Variants in FUT2 observed in about 807,000 individuals in gnomAD.
The protein encoded by FUT2 is fucosyltransferase 2 (H blood group).
For synonymous variants in FUT2, 182 were observed against 193.1 expected, an observed-to-expected ratio of 0.94 and a Z score of 0.48; for missense variants, 419 against 465.8, an observed-to-expected ratio of 0.90 and a Z score of 0.93.
intron 1 of FUT2, 120 bp from the exon 2 acceptor site, chr19:48,702,835 A>G (rs146662228): frequency 3.2e-6 from 3 of 932,180 alleles, no homozygotes; most frequent in East Asian, 4.8e-5. Flanking sequence ...GTATTTACAC[A>G]CCTGAAGTAG....
At position 48,703,597 on chromosome 19, in the gene FUT2, AG is replaced by A; in HGVS notation, c.646del (p.Val216TrpfsTer71). 1 of 1,612,820 alleles carries A rather than the reference AG, an allele frequency of 6.2e-7. No homozygotes were observed. Among genetic ancestry groups the A allele is most frequent in the Non-Finnish European group, 8.5e-7 (1 of 1,179,810 alleles). Reference protein sequence around the residue: ...DYVHVMPKVWKGVVADRRYLQ... With the variant: ...DYVHVMPKVWXGVVADRRYLQ... Reference sequence around the variant, plus strand: ...GTCCATGTCATGCCAAAAGTGTGGAAGGGGGTGGTGGCCGACCGGCGATACC... The same window carrying A: ...GTCCATGTCATGCCAAAAGTGTGGAAGGGGTGGTGGCCGACCGGCGATACC... On this transcript the variant is annotated frameshift_variant, in exon 2 of 2. Transcript: ENST00000425340. LOFTEE classifies it low-confidence loss of function (END_TRUNC).
chr19:48,705,106 C>CTTTTTTTTTTTTTTTTTTTTT lies in FUT2; in HGVS notation c.*1122_*1123insTTTTTTTTTTTTTTTTTTTTT, dbSNP rs750075953. 2.1e-4 allele frequency: 39 copies of CTTTTTTTTTTTTTTTTTTTTT among 188,976 alleles called. 5 individuals carry two copies. Among genetic ancestry groups the CTTTTTTTTTTTTTTTTTTTTT allele is most frequent in the African/African-American group, 1.2e-3 (35 of 29,924 alleles). The allele number at this position is 188,976 out of a possible 1,614,324, so 11.7% of individuals were successfully genotyped here. On this transcript the variant is annotated 3_prime_UTR_variant, in exon 2 of 2. Coordinates refer to ENST00000425340, the MANE Select transcript of FUT2 (RefSeq NM_000511.6). ...GAGCTCACTGTTTTCTTTTCTTTTT[C>CTTTTTTTTTTTTTTTTTTTTT]TTTTCTTTTTTTTTTTTTTTTTGAG...
At position 48,704,986 on chromosome 19, in the gene FUT2, G is replaced by A. The variant is rs1047902951; in HGVS notation, c.*998G>A. The A allele has an allele frequency of 4.9e-5, 20 of 411,062 alleles. No homozygotes were observed. The highest frequency in any genetic ancestry group is 7.5e-5 in the Non-Finnish European group (17 of 225,396). 25.5% of individuals were successfully genotyped at this position (411,062 alleles called of 1,614,324 possible). On this transcript the variant is annotated 3_prime_UTR_variant, in exon 2 of 2. Transcript: ENST00000425340. ...TGAGGGGTTGTGTAGGTTGTTCACT[G>A]CAGGAAGTCCCCTGGTTAAGAAGGC...
rs187897549 is a variant in FUT2 at position 48,703,527 on chromosome 19, C to T, written c.571C>T (p.Arg191Trp). The T allele has an allele frequency of 5.6e-5, 90 of 1,613,056 alleles. 1 individual carries two copies. In the Middle Eastern group the frequency reaches 6.6e-4, roughly 12 times the overall value. The change falls in exon 2 of 2, where the codon CGG (arginine) becomes TGG (tryptophan). Residue 191 changes from arginine (R) to tryptophan (W), a missense_variant. Arg to Trp is a moderately radical substitution (Grantham distance 101, BLOSUM62 -3). Transcript: ENST00000425340. ...FLRGLQVNGS[R>W]PGTFVGVHVR... ...GCGGGGCCTGCAGGTGAACGGGAGC[C>T]GGCCGGGCACCTTTGTAGGGGTCCA...
rs750075953 is a variant in FUT2 at position 48,705,106 on chromosome 19, C to CTT, written c.*1121_*1122dup. 168 of 188,958 alleles carry CTT rather than the reference C, an allele frequency of 8.9e-4. 15 individuals are homozygous for CTT. Among genetic ancestry groups the CTT allele is most frequent in the African/African-American group, 2.8e-3 (85 of 29,916 alleles). 11.7% of individuals were successfully genotyped at this position (188,958 alleles called of 1,614,324 possible). ...GAGCTCACTGTTTTCTTTTCTTTTT[C>CTT]TTTTCTTTTTTTTTTTTTTTTTGAG... is the stretch of plus-strand genomic sequence containing the variant. On this transcript the variant is annotated 3_prime_UTR_variant, in exon 2 of 2. Coordinates refer to ENST00000425340, the MANE Select transcript of FUT2 (RefSeq NM_000511.6).
In FUT2 at chr19:48,703,489, C is replaced by A. The variant is rs2032566910; in HGVS notation, c.533C>A (p.Ala178Asp). The change falls in exon 2 of 2, where the codon GCC becomes GAC. Residue 178 changes from alanine to aspartate, a missense_variant. Transcript: ENST00000425340. ...CTGCACGACCACGTGCGGGAGGAGG[C>A]CCAGAAGTTCCTGCGGGGCCTGCAG... The part of the protein sequence containing the change: ...FTLHDHVREE[A>D]QKFLRGLQVN... 6.2e-7 allele frequency: 1 copy of A among 1,613,020 alleles called. No individual in the cohort carries two copies.
intron 1 of FUT2, among the ~76,000 whole-genome samples, chr19:48,700,838 G>A (rs942321408): frequency 5.9e-5 from 9 of 152,000 alleles, no homozygotes; most frequent in South Asian, 2.1e-4. Flanking sequence ...TAACCATGTG[G>A]CCCGATAGGA....
intron 1 of FUT2, chr19:48,696,417 A>T (rs2032411885): frequency 6.6e-6 from 1 of 152,168 alleles, no homozygotes; most frequent in Non-Finnish European, 1.5e-5. Flanking sequence ...GTTTCTATGA[A>T]CCACCCTGGC....
At chr19:48,702,606 A>G (rs931043435) in intron 1 of FUT2, among the ~76,000 whole-genome samples, 42 of 151,916 alleles carry the variant, frequency 2.8e-4, no homozygotes, top group African/African-American at 8.5e-4. Flanking sequence ...CCCATACACT[A>G]CCATGTACAC....
At chr19:48,702,373 C>T (rs1291968180) in intron 1 of FUT2, among the ~76,000 whole-genome samples, 1 of 151,934 alleles carries the variant, frequency 6.6e-6, no homozygotes, top group African/African-American at 2.4e-5. Context: ...CACCACTGCA[C>T]TCCAGCCCAG....
rs201211409 is a variant in FUT2, at chr19:48,703,188, G to T, written c.232G>T (p.Glu78Ter). Reference sequence around the variant, plus strand: ...AGGCCGCCTGGGGAACCAGATGGGCGAGTACGCCACACTGTACGCCCTGGC... The same window carrying T: ...AGGCCGCCTGGGGAACCAGATGGGCTAGTACGCCACACTGTACGCCCTGGC... ...AIGRLGNQMGEYATLYALAKM... is the reference protein window; with the variant it reads ...AIGRLGNQMG Residue 78 changes from glutamate to a stop codon, truncating the protein, a stop_gained, in exon 2 of 2, where the codon GAG becomes TAG. Transcript: ENST00000425340. LOFTEE classifies it low-confidence loss of function (END_TRUNC). The T allele has an allele frequency of 9.3e-6, 15 of 1,613,514 alleles. No homozygotes were observed. The African/African-American group carries it at 1.9e-4, about 20-fold the overall frequency.
chr19:48,701,082 A>AGTCT (rs1568461244), intron 1 of FUT2, among the ~76,000 whole-genome samples: 1 of 152,132 alleles, frequency 6.6e-6, no homozygotes, highest in Non-Finnish European at 1.5e-5. Context: ...ACAGACCCAC[A>AGTCT]GTCTACTCAT....
At chr19:48,699,494 G>A (rs575690836) in intron 1 of FUT2, among the ~76,000 whole-genome samples, 1 of 151,976 alleles carries the variant, frequency 6.6e-6, no homozygotes, top group Non-Finnish European at 1.5e-5. Flanking sequence ...CACTGTGCCC[G>A]GCTACCTCCC....
chr19:48,704,421 C>CAA lies in FUT2; in HGVS notation c.*452_*453dup, dbSNP rs140411756. The CAA allele has an allele frequency of 0.015, 1,586 of 108,868 alleles. 23 individuals carry two copies. The highest frequency in any genetic ancestry group is 0.022 in the Non-Finnish European group (1,147 of 51,640). The allele number at this position is 108,868 out of a possible 1,614,324, so 6.7% of individuals were successfully genotyped here. A position where few individuals can be genotyped will look rare whatever the true frequency, so the allele number is the denominator to read the frequency against. ...TGGGTGACACAGCAAGACTCCATCTCAAAAAAAAAAAAAAAAAAAAGAAAA... is the reference window on the plus strand; with the variant it reads ...TGGGTGACACAGCAAGACTCCATCTCAAAAAAAAAAAAAAAAAAAAAAGAAAA... On this transcript the variant is annotated 3_prime_UTR_variant, in exon 2 of 2. Transcript: ENST00000425340.
In FUT2 at chr19:48,703,266, G is replaced by T. The variant is rs2032555998; in HGVS notation, c.310G>T (p.Ala104Ser). The change falls in exon 2 of 2, where the codon GCC (alanine) becomes TCC (serine). Residue 104 changes from alanine (A) to serine (S), a missense_variant. Transcript: ENST00000425340. ...FIPAQMHSTL[A>S]PIFRITLPVL... is the part of the protein sequence containing the mutation. ...CCCGGCCCAGATGCACAGCACCCTGGCCCCCATCTTCAGAATCACCCTGCC... is the reference window on the plus strand; with the variant it reads ...CCCGGCCCAGATGCACAGCACCCTGTCCCCCATCTTCAGAATCACCCTGCC... 1 of 1,612,880 alleles carries T rather than the reference G, an allele frequency of 6.2e-7. No individual in the cohort carries two copies. Among genetic ancestry groups the T allele is most frequent in the Non-Finnish European group, 8.5e-7 (1 of 1,180,030 alleles).
At position 48,702,945 on chromosome 19, in the gene FUT2, C is replaced by T. The variant is rs1335639154; in HGVS notation, c.-2-10C>T. The stretch of plus-strand genomic sequence containing the variant: ...CCCAGCTAACGTGTCCCGTTTTCCT[C>T]CCCTGACAGCCATGCTGGTCGTTCA... On this transcript the variant is annotated splice_polypyrimidine_tract_variant and intron_variant, in intron 1 of 1. Transcript: ENST00000425340. The T allele has an allele frequency of 6.2e-7, 1 of 1,612,992 alleles. No individual in the cohort carries two copies. The highest frequency in any genetic ancestry group is 8.5e-7 in the Non-Finnish European group (1 of 1,180,002).
At chr19:48,698,462 ACT>A (rs2032453612) in intron 1 of FUT2, among the ~76,000 whole-genome samples, 1 of 150,850 alleles carries the variant, frequency 6.6e-6, no homozygotes, top group Admixed American at 6.6e-5. Flanking sequence ...ATAGAGCCTG[ACT>A]CTGTCGCCCA....
At chr19:48,700,481 C>T (rs969006487) in intron 1 of FUT2, among the ~76,000 whole-genome samples, 1 of 151,890 alleles carries the variant, frequency 6.6e-6, no homozygotes, top group African/African-American at 2.4e-5. Flanking sequence ...CGCCCACCAC[C>T]ACACCCGGCT....
At position 48,703,031 on chromosome 19, in the gene FUT2, A is replaced by G; in HGVS notation, c.75A>G (p.Ile25Met). 6.2e-7 allele frequency: 1 copy of G among 1,612,862 alleles called. No individual in the cohort carries two copies. Among genetic ancestry groups the G allele is most frequent in the Non-Finnish European group, 8.5e-7 (1 of 1,179,968 alleles). ...FILFVFTVST[I>M]FHVQQRLAKI... ...TCTTTGTCTTTACGGTTTCCACTATATTTCACGTTCAGCAGCGGCTAGCGA... is the reference window on the plus strand; with the variant it reads ...TCTTTGTCTTTACGGTTTCCACTATGTTTCACGTTCAGCAGCGGCTAGCGA... The change falls in exon 2 of 2, where the codon ATA becomes ATG. Residue 25 changes from isoleucine (I) to methionine (M), a missense_variant. Physicochemically the swap from Ile to Met is conservative, Grantham distance 10 (BLOSUM62 1). Coordinates refer to ENST00000425340, the MANE Select transcript of FUT2 (RefSeq NM_000511.6).
Sources: allele counts gnomAD v4.1 joint callset (sites outside exome capture counted in the v4.1 genomes callset), GRCh38; gene constraint gnomAD v4.1.1; transcripts MANE v1.5; gene names NCBI Gene and HGNC (gene_info 2026-07-23, HGNC 2026-07-21).